CNOT10: variants seen among roughly 807,000 people sequenced by gnomAD.
CNOT10 encodes CCR4-NOT transcription complex, subunit 10.
A neutral mutation model predicts 94.6 loss-of-function variants in CNOT10; 30 were observed. The ratio of observed to expected loss-of-function variants is 0.32; its 90% CI spans 0.24 to 0.43. CNOT10 has a LOEUF of 0.43. Among genes scored for constraint, CNOT10 ranks in the 20% least tolerant of loss-of-function variants. The pLI is 1.00. For synonymous variants in CNOT10, 289 were observed against 301.6 expected, an observed-to-expected ratio of 0.96 and a Z score of 0.43; for missense variants, 759 against 877.2, an observed-to-expected ratio of 0.87 and a Z score of 1.70.
At chr3:32,716,137 A>C in intron 5 of CNOT10, 88 bp from the exon 6 acceptor site, 1 of 660,154 alleles carries the variant, frequency 1.5e-6, no homozygotes, top group Non-Finnish European at 2.5e-6. Flanking sequence ...CTCTCTAGGT[A>C]ATTTAGATTA....
intron 17 of CNOT10, chr3:32,769,108 T>C (rs1300105831): frequency 6.6e-6 from 1 of 152,206 alleles, no homozygotes; most frequent in African/African-American, 2.4e-5. Context: ...CATACCCACC[T>C]CTGTTCAATA....
At chr3:32,713,137 A>C in intron 4 of CNOT10, 90 bp from the exon 5 acceptor site, 1 of 1,051,022 alleles carries the variant, frequency 9.5e-7, no homozygotes. Context: ...TTTGCTATTT[A>C]AAGCTTTGTA....
At chr3:32,735,840 C>G (rs969364788) in intron 12 of CNOT10, among the ~76,000 whole-genome samples, 1 of 152,020 alleles carries the variant, frequency 6.6e-6, no homozygotes, top group East Asian at 1.9e-4. Context: ...TTCTGGTTTT[C>G]TAGTATAAAT....
chr3:32,709,138 A>G lies in CNOT10; in HGVS notation c.430+318A>G, dbSNP rs376094342. Among the ~76,000 whole-genome samples, 126 of 152,332 alleles carry G rather than the reference A, an allele frequency of 8.3e-4. 1 individual carries two copies. Among genetic ancestry groups the G allele is most frequent in the African/African-American group, 2.9e-3 (122 of 41,574 alleles). On this transcript the variant is annotated intron_variant, in intron 4 of 18. Coordinates refer to ENST00000328834, the MANE Select transcript of CNOT10 (RefSeq NM_015442.3). ...CTTTCTTACTTTAGTACATTAAGGA[A>G]GTAGCATTTTGGAATGTTAGGGGAC...
intron 12 of CNOT10, 114 bp from the exon 13 acceptor site, chr3:32,737,296 C>G: frequency 3.1e-6 from 2 of 645,718 alleles, no homozygotes; most frequent in Non-Finnish European, 5.4e-6. Context: ...TCCTGAGCGA[C>G]GAGCAAAACT....
intron 3 of CNOT10, 121 bp downstream of exon 3, chr3:32,705,093 G>A: frequency 4.3e-6 from 3 of 701,144 alleles, no homozygotes; most frequent in Non-Finnish European, 4.4e-6. Flanking sequence ...ACATTTGTTA[G>A]CATTAATTTT....
At chr3:32,721,513 C>T in intron 8 of CNOT10, among the ~76,000 whole-genome samples, 1 of 111,418 alleles carries the variant, frequency 9.0e-6, no homozygotes. Flanking sequence ...TATGTTTTTA[C>T]TTTTTTCTGC....
chr3:32,741,127 A>G (rs1039032518), intron 13 of CNOT10, among the ~76,000 whole-genome samples: 1 of 152,134 alleles, frequency 6.6e-6, no homozygotes, highest in Admixed American at 6.6e-5. Flanking sequence ...TTTAATTTCT[A>G]TAATTTTGTC....
At chr3:32,745,000 T>C (rs1699630375) in intron 13 of CNOT10, among the ~76,000 whole-genome samples, 1 of 152,206 alleles carries the variant, frequency 6.6e-6, no homozygotes, top group African/African-American at 2.4e-5. Flanking sequence ...TGCTTCTGCC[T>C]TCCAAGTAGC....
chr3:32,769,844 A>AGT (rs1700818538), intron 17 of CNOT10, 43 bp from the exon 18 acceptor site: 1 of 1,500,298 alleles, frequency 6.7e-7, no homozygotes, highest in African/African-American at 1.4e-5. Context: ...TGTGTATCTT[A>AGT]AGCTTTTGTT....
chr3:32,740,138 C>T (rs1699394853), intron 13 of CNOT10, among the ~76,000 whole-genome samples: 1 of 152,068 alleles, frequency 6.6e-6, no homozygotes, highest in Non-Finnish European at 1.5e-5. Flanking sequence ...TACCCTCTAC[C>T]CAGTTTTCTC....
At chr3:32,716,168 T>C in intron 5 of CNOT10, 57 bp from the exon 6 acceptor site, 3 of 964,626 alleles carry the variant, frequency 3.1e-6, no homozygotes, top group Non-Finnish European at 4.6e-6. Context: ...AAATCACTGA[T>C]TTAAATTATG....
Position 32,697,691 on chromosome 3 carries a change from T to A in CNOT10, c.23-6177T>A, listed in dbSNP as rs545115797. On this transcript the variant is annotated intron_variant, in intron 1 of 18. Coordinates refer to ENST00000328834, the MANE Select transcript of CNOT10 (RefSeq NM_015442.3). The stretch of plus-strand genomic sequence containing the variant: ...GGTCTTGTTTTGTTTCCCAGGCTGG[T>A]CTGGAACTCCTAGGCTCAAGCAGTC... 2.0e-5 allele frequency among the ~76,000 whole-genome samples: 3 copies of A among 152,296 alleles called. No individual in the cohort carries two copies. The South Asian group carries it at 6.2e-4, about 32-fold the overall frequency.
intron 13 of CNOT10, among the ~76,000 whole-genome samples, chr3:32,741,078 C>G (rs1699441820): frequency 6.6e-6 from 1 of 152,100 alleles, no homozygotes; most frequent in Admixed American, 6.6e-5. Context: ...CACTCCTGCT[C>G]CTGCCCCTTA....
intron 18 of CNOT10, among the ~76,000 whole-genome samples, chr3:32,770,705 CT>C (rs879886462): frequency 5.5e-4 from 74 of 135,550 alleles, no homozygotes; most frequent in African/African-American, 6.2e-4. Context: ...CCATCAAATT[CT>C]TTTTTTTTTT....
intron 17 of CNOT10, among the ~76,000 whole-genome samples, chr3:32,767,748 A>G (rs1700713852): frequency 6.6e-6 from 1 of 152,100 alleles, no homozygotes; most frequent in Non-Finnish European, 1.5e-5. Context: ...TGAGTGTATG[A>G]GTTAAACCAG....
At chr3:32,756,521 G>T (rs1420436844) in intron 13 of CNOT10, among the ~76,000 whole-genome samples, 1 of 152,230 alleles carries the variant, frequency 6.6e-6, no homozygotes, top group Non-Finnish European at 1.5e-5. Context: ...CAGCAAGCCT[G>T]CCTGAAGTGG....
At chr3:32,705,041 T>C (rs1697552165) in intron 3 of CNOT10, 69 bp downstream of exon 3, 1 of 1,002,040 alleles carries the variant, frequency 1.0e-6, no homozygotes. Context: ...CACAAATAGT[T>C]AAGGAAAATA....
intron 13 of CNOT10, chr3:32,753,083 A>G (rs1700034359): frequency 3.8e-6 from 2 of 526,232 alleles, no homozygotes; most frequent in South Asian, 3.2e-5. Context: ...ACATTCTTGT[A>G]ATTACTGTGT....
Sources: allele counts gnomAD v4.1 joint callset (sites outside exome capture counted in the v4.1 genomes callset), GRCh38; gene constraint gnomAD v4.1.1; transcripts MANE v1.5; gene names NCBI Gene and HGNC (gene_info 2026-07-23, HGNC 2026-07-21).